Variants in PACRG observed in about 807,000 individuals in gnomAD.
PACRG encodes the protein parkin coregulated, also known as parkin coregulated gene protein.
Under a neutral mutation model 29.7 loss-of-function variants are expected in PACRG, and 29 were observed. The ratio of observed to expected loss-of-function variants is 0.98; its 90% confidence interval spans 0.73 to 1.33. The LOEUF is 1.33. PACRG is among the 40% of genes most tolerant of loss of function. The pLI is 0.00. For missense variants in PACRG, 279 were observed against 316.2 expected (o/e 0.88, Z 0.89); for synonymous variants, 116 against 118.7 (o/e 0.98, Z 0.15).
intron 2 of PACRG, among the ~76,000 whole-genome samples, chr6:162,817,768 C>T (rs982344096): frequency 2.6e-5 from 4 of 152,212 alleles, no homozygotes; most frequent in Admixed American, 2.6e-4. Context: ...ATCTGCTACC[C>T]AGATAGATAG....
intron 4 of PACRG, among the ~76,000 whole-genome samples, chr6:163,122,002 G>A (rs1295749258): frequency 6.6e-6 from 1 of 151,876 alleles, no homozygotes; most frequent in Non-Finnish European, 1.5e-5. Flanking sequence ...TTCACTTGCT[G>A]CTATTCTATA....
intron 3 of PACRG, among the ~76,000 whole-genome samples, chr6:163,084,956 A>G (rs1813421470): frequency 6.7e-6 from 1 of 149,144 alleles, no homozygotes; most frequent in African/African-American, 2.5e-5. Context: ...AGATCAGCAT[A>G]CCCAGGCTGT....
chr6:162,951,298 C>T (rs942632253), intron 2 of PACRG, among the ~76,000 whole-genome samples: 14 of 152,188 alleles, frequency 9.2e-5, no homozygotes, highest in African/African-American at 1.2e-4. Context: ...GATTGAAACT[C>T]GCTTAGTTCT....
At chr6:162,949,050 C>T (rs1799453919) in intron 2 of PACRG, among the ~76,000 whole-genome samples, 1 of 152,092 alleles carries the variant, frequency 6.6e-6, no homozygotes, top group Non-Finnish European at 1.5e-5. Flanking sequence ...GATATCTGCA[C>T]CCCATCTTTA....
chr6:163,058,227 C>T (rs982467898), intron 2 of PACRG, among the ~76,000 whole-genome samples: 2 of 152,154 alleles, frequency 1.3e-5, no homozygotes, highest in African/African-American at 2.4e-5. Flanking sequence ...AGCAGGATTA[C>T]GTACATCCAC....
At chr6:162,938,579 G>C (rs1798399424) in intron 2 of PACRG, among the ~76,000 whole-genome samples, 2 of 152,054 alleles carry the variant, frequency 1.3e-5, no homozygotes, top group African/African-American at 4.8e-5. Flanking sequence ...CTGCCACACT[G>C]TTTTCCAGAG....
chr6:163,100,413 C>T (rs1188932609), intron 4 of PACRG, among the ~76,000 whole-genome samples: 2 of 152,196 alleles, frequency 1.3e-5, no homozygotes, highest in African/African-American at 2.4e-5. Flanking sequence ...CCAGGCGTCG[C>T]GCGGCCAGCC....
At chr6:163,047,522 C>T (rs1221766231) in intron 2 of PACRG, among the ~76,000 whole-genome samples, 5 of 152,030 alleles carry the variant, frequency 3.3e-5, no homozygotes, top group Non-Finnish European at 7.4e-5. Context: ...TGACTGTTAC[C>T]GTCGGGAACA....
At chr6:162,754,732 C>G (rs1328000503) in intron 1 of PACRG, among the ~76,000 whole-genome samples, 1 of 151,936 alleles carries the variant, frequency 6.6e-6, no homozygotes, top group African/African-American at 2.4e-5. Flanking sequence ...TTGTATTTTC[C>G]CCATTGTGTG....
chr6:163,197,434 C>CTTTTTTTTTTTTT (rs57942658), intron 4 of PACRG, among the ~76,000 whole-genome samples: 2 of 106,240 alleles, frequency 1.9e-5, no homozygotes, highest in African/African-American at 3.5e-5. Context: ...CTTTTCTTTT[C>CTTTTTTTTTTTTT]TTTTTTTTTT....
chr6:163,072,098 T>C (rs1218748039), intron 3 of PACRG, among the ~76,000 whole-genome samples: 3 of 151,644 alleles, frequency 2.0e-5, no homozygotes, highest in Admixed American at 2.0e-4. Context: ...AGGCCAGTAT[T>C]ATCCTGATAC....
intron 4 of PACRG, among the ~76,000 whole-genome samples, chr6:163,256,324 T>C (rs1260763324): frequency 5.9e-5 from 9 of 152,224 alleles, no homozygotes; most frequent in Non-Finnish European, 1.3e-4. Context: ...CGGGGCACTA[T>C]TCTGGGTGCT....
At chr6:163,288,817 T>C (rs1331788292) in intron 4 of PACRG, among the ~76,000 whole-genome samples, 1 of 152,102 alleles carries the variant, frequency 6.6e-6, no homozygotes, top group East Asian at 1.9e-4. Context: ...ATAACTACAA[T>C]TTAGGGGGTA....
chr6:163,074,261 T>C (rs993617876), intron 3 of PACRG, among the ~76,000 whole-genome samples: 1 of 152,184 alleles, frequency 6.6e-6, no homozygotes, highest in Non-Finnish European at 1.5e-5. Flanking sequence ...TGAGATCCTG[T>C]CATTTGCAAC....
intron 2 of PACRG, among the ~76,000 whole-genome samples, chr6:162,836,604 A>C (rs539906472): frequency 3.4e-4 from 51 of 152,206 alleles, no homozygotes; most frequent in African/African-American, 9.1e-4. Flanking sequence ...TTTAGAAAGA[A>C]GTTCCATTAT....
chr6:163,015,621 G>T (rs970233456), intron 2 of PACRG, among the ~76,000 whole-genome samples: 6 of 152,094 alleles, frequency 3.9e-5, no homozygotes, highest in Non-Finnish European at 8.8e-5. Context: ...TTGTAAATGG[G>T]ATTGTGTTCT....
chr6:162,832,674 G>C (rs1450967436), intron 2 of PACRG, among the ~76,000 whole-genome samples: 1 of 152,070 alleles, frequency 6.6e-6, no homozygotes, highest in East Asian at 1.9e-4. Context: ...CATCTGTGAA[G>C]GACAAGCTTC....
At chr6:163,082,599 G>C (rs1813186690) in intron 3 of PACRG, among the ~76,000 whole-genome samples, 1 of 152,146 alleles carries the variant, frequency 6.6e-6, no homozygotes, top group Non-Finnish European at 1.5e-5. Context: ...CTATGGAAAA[G>C]ATAGTCCCTT....
chr6:163,131,703 C>G (rs1816748790), intron 4 of PACRG, among the ~76,000 whole-genome samples: 1 of 152,120 alleles, frequency 6.6e-6, no homozygotes. Context: ...CGGAGCGATC[C>G]TACCTCCCTC....
Sources: gnomAD v4.1 joint callset for allele counts (sites outside exome capture counted in the v4.1 genomes callset) on GRCh38, gnomAD v4.1.1 for gene constraint, MANE v1.5 for transcripts, NCBI Gene and HGNC (gene_info 2026-07-23, HGNC 2026-07-21) for gene names.